The following TMEM108 variants were observed in gnomAD, a reference collection of about 807,000 sequenced individuals.
TMEM108 encodes cancer/testis antigen 124.
A neutral mutation model predicts 35.1 loss-of-function variants in TMEM108; 12 were observed. That is an observed-to-expected ratio of 0.34 (90% CI 0.22 to 0.55). The LOEUF (loss-of-function observed/expected upper bound fraction) is 0.55, where lower values mean the gene tolerates loss of function less well. Among genes scored for constraint, TMEM108 ranks in the 20% least tolerant of loss-of-function variants. The probability of loss-of-function intolerance (pLI) is 0.89; values close to 1 mark genes in which losing one functional copy is unlikely to be tolerated. For synonymous variants in TMEM108, 287 were observed against 308.6 expected (o/e 0.93, Z 0.73); for missense variants, 680 against 753.3 (o/e 0.90, Z 1.14).
At chr3:133,383,335 G>A (rs2073062279) in intron 4 of TMEM108, among the ~76,000 whole-genome samples, 1 of 152,210 alleles carries the variant, frequency 6.6e-6, no homozygotes, top group Non-Finnish European at 1.5e-5. Flanking sequence ...TTACAGGTAG[G>A]GAGTGAGTCA....
intron 2 of TMEM108, among the ~76,000 whole-genome samples, chr3:133,083,831 T>C (rs1239457742): frequency 1.3e-5 from 2 of 152,070 alleles, no homozygotes; most frequent in Non-Finnish European, 2.9e-5. Context: ...TTTTATTCTA[T>C]TGTTTTCCCC....
chr3:133,062,375 A>T (rs563729949), intron 2 of TMEM108, among the ~76,000 whole-genome samples: 2 of 152,334 alleles, frequency 1.3e-5, no homozygotes, highest in South Asian at 4.1e-4. Flanking sequence ...TCTCTAGCTA[A>T]TGGACCAGTA....
intron 3 of TMEM108, among the ~76,000 whole-genome samples, chr3:133,279,921 A>G (rs1021770424): frequency 6.6e-6 from 1 of 152,242 alleles, no homozygotes. Context: ...AATTAGCTGG[A>G]TGTAAAATAT....
At chr3:133,341,296 TC>T (rs1163268783) in intron 3 of TMEM108, among the ~76,000 whole-genome samples, 2 of 151,666 alleles carry the variant, frequency 1.3e-5, no homozygotes, top group African/African-American at 4.8e-5. Flanking sequence ...AAGAAAGTAA[TC>T]CCATTTACAT....
intron 2 of TMEM108, among the ~76,000 whole-genome samples, chr3:133,186,786 A>T (rs996027760): frequency 2.0e-5 from 3 of 152,312 alleles, no homozygotes. Flanking sequence ...TGAGGATATG[A>T]TATTTTAAAT....
At chr3:133,075,719 C>G (rs1489463733) in intron 2 of TMEM108, among the ~76,000 whole-genome samples, 1 of 152,232 alleles carries the variant, frequency 6.6e-6, no homozygotes, top group East Asian at 1.9e-4. Flanking sequence ...TGGTTTTGAT[C>G]TGCCTTTCCT....
rs2071468914 is a variant in TMEM108, at chr3:133,335,211, G to C, written c.41-44541G>C. On this transcript the variant is annotated intron_variant, in intron 3 of 5. Transcript: ENST00000321871. The stretch of plus-strand genomic sequence containing the variant: ...GTAAATGAATTAAAGTCCTCCGCTG[G>C]ATGACAAAGACTTTCATTTAAAACA... Among the ~76,000 whole-genome samples the C allele has an allele frequency of 2.0e-5, 3 of 152,136 alleles. No homozygotes were observed. In the South Asian group the frequency reaches 6.2e-4, roughly 32 times the overall value.
intron 2 of TMEM108, among the ~76,000 whole-genome samples, chr3:133,089,874 A>G (rs1443067691): frequency 6.6e-6 from 1 of 152,190 alleles, no homozygotes; most frequent in Non-Finnish European, 1.5e-5. Flanking sequence ...TAAGAGTTTC[A>G]AGTTCAATTA....
chr3:133,374,351 T>A (rs1313247722), intron 3 of TMEM108, among the ~76,000 whole-genome samples: 1 of 152,036 alleles, frequency 6.6e-6, no homozygotes, highest in Admixed American at 6.5e-5. Flanking sequence ...AAAACAGCAA[T>A]GCACAAAATA....
At chr3:133,055,422 C>G (rs1293401742) in intron 2 of TMEM108, among the ~76,000 whole-genome samples, 1 of 152,214 alleles carries the variant, frequency 6.6e-6, no homozygotes, top group African/African-American at 2.4e-5. Context: ...ATAAAGACAT[C>G]TGCTCTCTCC....
chr3:133,396,069 T>A lies in TMEM108; in HGVS notation c.*83T>A. The A allele has an allele frequency of 9.7e-7, 1 of 1,032,562 alleles. No homozygotes were observed. The highest frequency in any genetic ancestry group is 1.2e-6 in the Non-Finnish European group (1 of 813,494). 64.0% of individuals were successfully genotyped at this position (1,032,562 alleles called of 1,614,324 possible). On this transcript the variant is annotated 3_prime_UTR_variant, in exon 6 of 6. Transcript: ENST00000321871. Reference sequence around the variant, plus strand: ...AAATACATATATTATAAATATAACCTTTGTGTAACCCTGACTTAATGAGAA... The same window carrying A: ...AAATACATATATTATAAATATAACCATTGTGTAACCCTGACTTAATGAGAA...
At chr3:133,319,679 C>A (rs1418091903) in intron 3 of TMEM108, among the ~76,000 whole-genome samples, 1 of 152,172 alleles carries the variant, frequency 6.6e-6, no homozygotes, top group African/African-American at 2.4e-5. Flanking sequence ...GTTTGGGAGA[C>A]CTGAAGATGG....
At position 133,292,427 on chromosome 3, in the gene TMEM108, C is replaced by T. The variant is rs116773565; in HGVS notation, c.40+63076C>T. Reference sequence around the variant, plus strand: ...CTCATTAGGCCCATTGCCAGGGTTTCGGTTGATCTCAGGCTCTCCTTTGAT... The same window carrying T: ...CTCATTAGGCCCATTGCCAGGGTTTTGGTTGATCTCAGGCTCTCCTTTGAT... On this transcript the variant is annotated intron_variant, in intron 3 of 5. Transcript: ENST00000321871. Among the ~76,000 whole-genome samples, 952 of 152,288 alleles carry T rather than the reference C, an allele frequency of 6.3e-3. 13 individuals carry two copies. Among genetic ancestry groups the T allele is most frequent in the African/African-American group, 0.021 (888 of 41,568 alleles).
intron 2 of TMEM108, among the ~76,000 whole-genome samples, chr3:133,111,626 TCATACTATATAATATG>T (rs1944225640): frequency 6.6e-6 from 1 of 152,156 alleles, no homozygotes; most frequent in Non-Finnish European, 1.5e-5. Context: ...GTGCATTTTA[TCATACTATATAATATG>T]CATCTTTGTA....
intron 2 of TMEM108, among the ~76,000 whole-genome samples, chr3:133,094,114 C>T (rs947983629): frequency 1.3e-5 from 2 of 152,030 alleles, no homozygotes; most frequent in Admixed American, 6.6e-5. Context: ...AAATTCCTCT[C>T]ATGGTGTGAA....
chr3:133,108,364 G>A (rs1944183569), intron 2 of TMEM108, among the ~76,000 whole-genome samples: 2 of 152,080 alleles, frequency 1.3e-5, no homozygotes, highest in African/African-American at 4.8e-5. Flanking sequence ...TTTCTCTGAT[G>A]GCCAGTGATG....
intron 3 of TMEM108, among the ~76,000 whole-genome samples, chr3:133,265,018 G>A (rs916550881): frequency 3.3e-5 from 5 of 152,206 alleles, no homozygotes; most frequent in African/African-American, 1.2e-4. Flanking sequence ...ACTCTTGCTG[G>A]GCACCAGCAC....
At chr3:133,174,653 C>T (rs1381039708) in intron 2 of TMEM108, among the ~76,000 whole-genome samples, 1 of 152,088 alleles carries the variant, frequency 6.6e-6, no homozygotes, top group Non-Finnish European at 1.5e-5. Flanking sequence ...AAAGAAAGGA[C>T]ATCCATGCCA....
At chr3:133,387,269 T>G (rs1405267301) in intron 4 of TMEM108, 2 of 985,354 alleles carry the variant, frequency 2.0e-6, no homozygotes, top group Non-Finnish European at 2.4e-6. Flanking sequence ...GCCTATGAAG[T>G]TCATCTTAAG....
Sources: gnomAD v4.1 joint callset for allele counts (sites outside exome capture counted in the v4.1 genomes callset) on GRCh38, gnomAD v4.1.1 for gene constraint, MANE v1.5 for transcripts, NCBI Gene and HGNC (gene_info 2026-07-23, HGNC 2026-07-21) for gene names.